The following LGMN variants were observed in gnomAD, a reference collection of about 807,000 sequenced individuals.
LGMN encodes the protein legumain.
Under a neutral mutation model 56.8 loss-of-function variants are expected in LGMN, and 36 were observed. The observed-to-expected ratio is 0.63, with a 90% confidence interval of 0.49 to 0.84. LGMN has a LOEUF of 0.84. Among genes scored for constraint, LGMN ranks in the 40% least tolerant of loss-of-function variants. The pLI, the probability that LGMN is intolerant of heterozygous loss-of-function variation, is 0.00. For synonymous variants in LGMN, 199 were observed against 210.1 expected (o/e 0.95, Z 0.46); for missense variants, 446 against 556.1 (o/e 0.80, Z 1.99).
intron 11 of LGMN, among the ~76,000 whole-genome samples, chr14:92,708,608 A>G (rs1415909298): frequency 6.6e-6 from 1 of 152,140 alleles, no homozygotes. Context: ...TTGATTTAAA[A>G]AAAGAATCTT....
At chr14:92,718,882 T>C (rs747944384) in intron 2 of LGMN, 38 bp from the exon 3 acceptor site, 2 of 1,520,842 alleles carry the variant, frequency 1.3e-6, no homozygotes, top group Non-Finnish European at 1.8e-6. Context: ...AGATCTTGCC[T>C]GGGAGGCCAA....
intron 1 of LGMN, among the ~76,000 whole-genome samples, chr14:92,733,404 G>C (rs1891151885): frequency 6.6e-6 from 1 of 151,796 alleles, no homozygotes; most frequent in South Asian, 2.1e-4. Flanking sequence ...ACTTTTTAAA[G>C]TTTTTGACGT....
rs200285673 is a variant in LGMN, at chr14:92,713,826, T to G, written c.540A>C (p.Arg180=). 6 of 1,611,722 alleles carry G rather than the reference T, an allele frequency of 3.7e-6. No individual in the cohort carries two copies. In the Admixed American group the frequency reaches 1.0e-4, roughly 27 times the overall value. The change falls in exon 7 of 14, where the codon CGA becomes CGC. Residue 180 remains arginine (R), a synonymous_variant. Coordinates refer to ENST00000334869, the MANE Select transcript of LGMN (RefSeq NM_005606.7). ...IHYMYKHKMY[R]KMVFYIEACE... ...GCTGCCCCAAGGGCTGAATTACCTT[T>G]CGGTACATTTTGTGTTTGTACATGT...
Position 92,714,596 on chromosome 14 carries a change from G to T in LGMN, c.405-145C>A. On this transcript the variant is annotated intron_variant, in intron 5 of 13. Coordinates refer to ENST00000334869, the MANE Select transcript of LGMN (RefSeq NM_005606.7). This position sits in a 1 kb window ranked among gnomAD's most constrained non-coding sequence, Gnocchi z 5.1. ...TTGAAGATGAACACAAGGGCCCGGT[G>T]CCCGGTGTCTGGCCTGTCCCCTCCA... 2 of 627,616 alleles carry T rather than the reference G, an allele frequency of 3.2e-6. No homozygotes were observed. Among genetic ancestry groups the T allele is most frequent in the Non-Finnish European group, 5.6e-6 (2 of 355,138 alleles). The allele number at this position is 627,616 out of a possible 1,614,324, so 38.9% of individuals were successfully genotyped here.
At chr14:92,732,554 CT>C in intron 2 of LGMN, 94 bp downstream of exon 2, 1 of 1,423,586 alleles carries the variant, frequency 7.0e-7, no homozygotes, top group Middle Eastern at 2.4e-4. Context: ...CCGTCAATGG[CT>C]TTTCAAGTCT....
chr14:92,725,603 T>A (rs1448579858), intron 2 of LGMN, among the ~76,000 whole-genome samples: 1 of 151,044 alleles, frequency 6.6e-6, no homozygotes, highest in African/African-American at 2.4e-5. Context: ...GGAGACAGAG[T>A]CTCACTCTGT....
chr14:92,718,109 G>C (rs554464958), intron 3 of LGMN, among the ~76,000 whole-genome samples: 1 of 152,158 alleles, frequency 6.6e-6, no homozygotes, highest in South Asian at 2.1e-4. Flanking sequence ...AACATTCTAC[G>C]TGCAGGTCCC....
intron 2 of LGMN, among the ~76,000 whole-genome samples, chr14:92,727,618 C>T (rs1890805616): frequency 6.6e-6 from 1 of 152,102 alleles, no homozygotes; most frequent in Non-Finnish European, 1.5e-5. Flanking sequence ...CCAGCTGATG[C>T]TCTTCCCTCC....
intron 1 of LGMN, among the ~76,000 whole-genome samples, chr14:92,746,239 A>G (rs1377033583): frequency 6.6e-6 from 1 of 152,248 alleles, no homozygotes; most frequent in Non-Finnish European, 1.5e-5. Flanking sequence ...CTGGATTACA[A>G]GAAAATTTGA....
chr14:92,736,458 T>C (rs1891312357), intron 1 of LGMN, among the ~76,000 whole-genome samples: 1 of 151,912 alleles, frequency 6.6e-6, no homozygotes, highest in Non-Finnish European at 1.5e-5. Flanking sequence ...TAGCTGGGCG[T>C]GGTGGCGCAC....
chr14:92,724,351 C>T (rs1365451909), intron 2 of LGMN, among the ~76,000 whole-genome samples: 4 of 152,232 alleles, frequency 2.6e-5, no homozygotes, highest in Admixed American at 2.6e-4. Flanking sequence ...TATGCCCCAT[C>T]TTCCACACTC....
At chr14:92,729,214 T>G (rs1446431503) in intron 2 of LGMN, among the ~76,000 whole-genome samples, 16 of 151,152 alleles carry the variant, frequency 1.1e-4, no homozygotes, top group Admixed American at 9.9e-4. Flanking sequence ...TGGCCCATCT[T>G]GCTGGCCCCT....
chr14:92,739,153 T>C (rs1891438802), intron 1 of LGMN, among the ~76,000 whole-genome samples: 1 of 152,112 alleles, frequency 6.6e-6, no homozygotes, highest in African/African-American at 2.4e-5. Context: ...TGAACATGCC[T>C]CAAAGTAGCT....
chr14:92,726,804 T>C (rs1890763427), intron 2 of LGMN, among the ~76,000 whole-genome samples: 2 of 152,136 alleles, frequency 1.3e-5, no homozygotes, highest in Non-Finnish European at 2.9e-5. Flanking sequence ...TTTGCTCAGA[T>C]GACCTACCCA....
chr14:92,720,633 C>T (rs913911926), intron 2 of LGMN, among the ~76,000 whole-genome samples: 9 of 152,202 alleles, frequency 5.9e-5, no homozygotes, highest in East Asian at 3.8e-4. Context: ...CACCATTGCA[C>T]GCCAGCCTGG....
At chr14:92,729,496 T>C (rs1417636042) in intron 2 of LGMN, among the ~76,000 whole-genome samples, 1 of 41,160 alleles carries the variant, frequency 2.4e-5, no homozygotes, top group Non-Finnish European at 4.7e-5. Context: ...GTTAAACACT[T>C]AATCCCAGCC....
chr14:92,720,690 T>C (rs187732279), intron 2 of LGMN, among the ~76,000 whole-genome samples: 16 of 152,144 alleles, frequency 1.1e-4, no homozygotes, highest in African/African-American at 2.7e-4. Context: ...CAAACACTAA[T>C]TGTGGTAGGC....
Position 92,715,727 on chromosome 14 carries a change from G to A in LGMN, c.404+409C>T, listed in dbSNP as rs77557457. 1.2e-3 allele frequency: 189 copies of A among 154,502 alleles called. 3 individuals carry two copies. The East Asian group carries it at 0.032, about 26-fold the overall frequency. The allele number at this position is 154,502 out of a possible 1,614,324, so 9.6% of individuals were successfully genotyped here. A position where few individuals can be genotyped will look rare whatever the true frequency, so the allele number is the denominator to read the frequency against. On this transcript the variant is annotated intron_variant, in intron 5 of 13. Transcript: ENST00000334869. ...CTTCCTCCAATATGAAGGGACTTAC[G>A]AATGTGCCTCTCCCCGCTGGGCTGA...
chr14:92,706,768 G>A (rs922176804), intron 11 of LGMN, 115 bp from the exon 12 acceptor site: 24 of 917,000 alleles, frequency 2.6e-5, no homozygotes, highest in East Asian at 1.8e-4. Flanking sequence ...TCAGCCTCCC[G>A]CAGGTTAGAG....
Sources: allele counts gnomAD v4.1 joint callset (sites outside exome capture counted in the v4.1 genomes callset), GRCh38; gene constraint gnomAD v4.1.1; non-coding constraint Gnocchi (gnomAD v3.1); transcripts MANE v1.5; gene names NCBI Gene and HGNC (gene_info 2026-07-23, HGNC 2026-07-21).